RPA3: variants seen among roughly 807,000 people sequenced by gnomAD.
RPA3 encodes replication protein A3.
In RPA3, 24 loss-of-function variants were observed where a neutral mutation model predicts 13.7. That is an observed-to-expected ratio of 1.75 (90% CI 1.27 to 2.46). The LOEUF (loss-of-function observed/expected upper bound fraction) is 2.46. Ranked by LOEUF, RPA3 falls within the 30% of genes most tolerant of loss-of-function variation. The pLI, the probability that RPA3 is intolerant of heterozygous loss-of-function variation, is 0.00. For missense variants in RPA3, 183 were observed against 151.0 expected (o/e 1.21, Z -1.11); for synonymous variants, 59 against 51.2 (o/e 1.15, Z -0.65).
intron 2 of RPA3, among the ~76,000 whole-genome samples, chr7:7,689,822 C>T (rs1780131403): frequency 6.6e-6 from 1 of 152,074 alleles, no homozygotes; most frequent in South Asian, 2.1e-4. Context: ...AAATGTTGTG[C>T]ATTTTGGATA....
chr7:7,652,603 G>A (rs1417669868), intron 4 of RPA3, among the ~76,000 whole-genome samples: 1 of 152,224 alleles, frequency 6.6e-6, no homozygotes, highest in Admixed American at 6.5e-5. Context: ...TAGAGAAGTA[G>A]GATAAAGAGG....
intron 4 of RPA3, chr7:7,641,560 G>A (rs1208822410): frequency 6.6e-6 from 1 of 152,232 alleles, no homozygotes; most frequent in Non-Finnish European, 1.5e-5. Flanking sequence ...AGACTCTGGA[G>A]GGCGATCTGG....
intron 4 of RPA3, among the ~76,000 whole-genome samples, chr7:7,666,051 A>G (rs562371593): frequency 1.3e-5 from 2 of 152,238 alleles, no homozygotes; most frequent in South Asian, 2.1e-4. Flanking sequence ...TATGGTGGAT[A>G]TATGTTTATG....
chr7:7,709,747 A>C (rs531995494), intron 2 of RPA3, among the ~76,000 whole-genome samples: 1 of 152,158 alleles, frequency 6.6e-6, no homozygotes, highest in African/African-American at 2.4e-5. Flanking sequence ...GCTCTTGCTT[A>C]TGCAAATCTC....
chr7:7,679,731 T>TATATATATATATATAC (rs1554313986), intron 4 of RPA3, among the ~76,000 whole-genome samples: 2 of 135,930 alleles, frequency 1.5e-5, no homozygotes, highest in African/African-American at 2.8e-5. Flanking sequence ...TATATATATA[T>TATATATATATATATAC]ACACACACAC....
At chr7:7,704,956 A>T (rs1329223914) in intron 2 of RPA3, among the ~76,000 whole-genome samples, 1 of 152,176 alleles carries the variant, frequency 6.6e-6, no homozygotes, top group Non-Finnish European at 1.5e-5. Flanking sequence ...TGAAAAGAAG[A>T]TTCTGGATAA....
chr7:7,661,847 G>A (rs911848098), intron 4 of RPA3, among the ~76,000 whole-genome samples: 3 of 152,156 alleles, frequency 2.0e-5, no homozygotes, highest in African/African-American at 7.2e-5. Flanking sequence ...GCTGGGAGAT[G>A]TACTGCTTTC....
At chr7:7,660,032 A>G (rs925409165) in intron 4 of RPA3, among the ~76,000 whole-genome samples, 4 of 152,166 alleles carry the variant, frequency 2.6e-5, no homozygotes, top group Non-Finnish European at 5.9e-5. Flanking sequence ...TTCTTGTTGC[A>G]TTGATCCCTT....
intron 2 of RPA3, among the ~76,000 whole-genome samples, chr7:7,710,087 A>G (rs533522336): frequency 6.6e-6 from 1 of 152,260 alleles, no homozygotes. Context: ...ACTCAGTATC[A>G]TGTATCTGGT....
At chr7:7,654,300 T>TACC (rs1482219169) in intron 4 of RPA3, among the ~76,000 whole-genome samples, 1 of 152,224 alleles carries the variant, frequency 6.6e-6, no homozygotes, top group Non-Finnish European at 1.5e-5. Context: ...TGAGGCCATC[T>TACC]GTATTCAGTG....
intron 4 of RPA3, among the ~76,000 whole-genome samples, chr7:7,650,688 G>A (rs752442700): frequency 5.3e-5 from 8 of 152,214 alleles, no homozygotes; most frequent in African/African-American, 2.4e-5. Flanking sequence ...AATGTTACTT[G>A]TGCCAAACGC....
chr7:7,651,205 A>G (rs780022325), intron 4 of RPA3, among the ~76,000 whole-genome samples: 8 of 152,250 alleles, frequency 5.3e-5, no homozygotes, highest in African/African-American at 1.4e-4. Context: ...CAAAAATTAC[A>G]TAGAAACCAG....
At chr7:7,646,968 G>T (rs114805523) in intron 4 of RPA3, among the ~76,000 whole-genome samples, 1 of 152,104 alleles carries the variant, frequency 6.6e-6, no homozygotes, top group African/African-American at 2.4e-5. Flanking sequence ...CTTAAGGGTG[G>T]AGCCCTCGCC....
chr7:7,655,902 C>T (rs1192006449), intron 4 of RPA3, among the ~76,000 whole-genome samples: 3 of 152,120 alleles, frequency 2.0e-5, no homozygotes, highest in Non-Finnish European at 2.9e-5. Flanking sequence ...ATGGTGTGAT[C>T]TTGGCTCACT....
chr7:7,672,186 G>C (rs774583357), intron 4 of RPA3, among the ~76,000 whole-genome samples: 4 of 152,104 alleles, frequency 2.6e-5, no homozygotes, highest in Non-Finnish European at 5.9e-5. Context: ...CTGCCACCAG[G>C]ATTATTCTTT....
chr7:7,714,070 G>A (rs1780831603), intron 2 of RPA3, among the ~76,000 whole-genome samples: 1 of 152,194 alleles, frequency 6.6e-6, no homozygotes, highest in Admixed American at 6.5e-5. Context: ...CAAAAATTGA[G>A]TTTTTTTGTG....
At position 7,673,709 on chromosome 7, in the gene RPA3, CCCT is replaced by C. The variant is rs1411066794; in HGVS notation, c.-758+12118_-758+12120del. Reference sequence around the variant, plus strand: ...TGTGTAAAATCACTTCTTTTTCCCCCCCTTTTTTTTTTTAACTGTGGAAAATCT... The same window carrying C: ...TGTGTAAAATCACTTCTTTTTCCCCCTTTTTTTTTTAACTGTGGAAAATCT... On this transcript the variant is annotated intron_variant, in intron 4 of 7. Transcript: ENST00000223129. 2.9e-4 allele frequency among the ~76,000 whole-genome samples: 39 copies of C among 134,400 alleles called. 1 individual carries two copies. The highest frequency in any genetic ancestry group is 3.5e-5 in the Non-Finnish European group (2 of 57,126). 88.2% of individuals were successfully genotyped at this position (134,400 alleles called of 152,430 possible). A position where few individuals can be genotyped will look rare whatever the true frequency, so the allele number is the denominator to read the frequency against.
At chr7:7,671,879 T>C (rs781405069) in intron 4 of RPA3, among the ~76,000 whole-genome samples, 1 of 152,218 alleles carries the variant, frequency 6.6e-6, no homozygotes, top group Non-Finnish European at 1.5e-5. Flanking sequence ...TCCTTTTTTC[T>C]AATTAGAATG....
rs1302359802 is a variant in RPA3 at position 7,711,408 on chromosome 7, A to T, written c.-1028+3767T>A. On this transcript the variant is annotated intron_variant, in intron 2 of 7. Transcript: ENST00000223129. Reference sequence around the variant, plus strand: ...TGTTAACTTTAGTAAATCATGGCAAATTTTTTTCCCAAGTGGTATATGAAA... The same window carrying T: ...TGTTAACTTTAGTAAATCATGGCAATTTTTTTTCCCAAGTGGTATATGAAA... Among the ~76,000 whole-genome samples, 4 of 152,180 alleles carry T rather than the reference A, an allele frequency of 2.6e-5. No individual in the cohort carries two copies. In the East Asian group the frequency reaches 5.8e-4, roughly 22 times the overall value.
Sources: allele counts gnomAD v4.1 joint callset (sites outside exome capture counted in the v4.1 genomes callset), GRCh38; gene constraint gnomAD v4.1.1; transcripts MANE v1.5; gene names NCBI Gene and HGNC (gene_info 2026-07-23, HGNC 2026-07-21).